LRP6: variants seen among roughly 807,000 people sequenced by gnomAD.
LRP6 encodes the protein low-density lipoprotein receptor-related protein 6.
Under a neutral mutation model 184.1 loss-of-function variants are expected in LRP6, and 43 were observed. That is an observed-to-expected ratio of 0.23 (90% CI 0.18 to 0.30). The LOEUF (loss-of-function observed/expected upper bound fraction) is 0.30. LRP6 is among the 10% of genes least tolerant of loss of function. The pLI is 1.00. For missense variants in LRP6, 1,571 were observed against 2,005.3 expected (o/e 0.78, Z 4.14); for synonymous variants, 719 against 684.9 (o/e 1.05, Z -0.78).
At chr12:12,232,276 T>G (rs1864811073) in intron 2 of LRP6, among the ~76,000 whole-genome samples, 1 of 151,022 alleles carries the variant, frequency 6.6e-6, no homozygotes, top group East Asian at 1.9e-4. Flanking sequence ...CCCAGGTTAT[T>G]GGGAGGCTGA....
chr12:12,135,379 C>T, intron 16 of LRP6, 79 bp from the exon 17 acceptor site: 1 of 907,086 alleles, frequency 1.1e-6, no homozygotes, highest in East Asian at 2.5e-5. Context: ...GAAAAAGGGA[C>T]AACCCTGTCA....
intron 7 of LRP6, among the ~76,000 whole-genome samples, chr12:12,179,080 T>A (rs899125595): frequency 1.4e-4 from 21 of 152,164 alleles, no homozygotes; most frequent in Admixed American, 2.6e-4. Flanking sequence ...TGTAGCAAAG[T>A]CTAATTCAAA....
At chr12:12,246,925 C>T (rs1865201944) in intron 1 of LRP6, among the ~76,000 whole-genome samples, 1 of 152,142 alleles carries the variant, frequency 6.6e-6, no homozygotes, top group African/African-American at 2.4e-5. Flanking sequence ...CATAAACTTC[C>T]CTAACTAAGC....
intron 15 of LRP6, among the ~76,000 whole-genome samples, chr12:12,144,408 C>T (rs1949974315): frequency 6.6e-6 from 1 of 152,190 alleles, no homozygotes; most frequent in South Asian, 2.1e-4. Context: ...CTTTGGGAGG[C>T]CAAGGCAGGG....
intron 2 of LRP6, among the ~76,000 whole-genome samples, chr12:12,212,317 C>T (rs1027045348): frequency 6.6e-6 from 1 of 152,186 alleles, no homozygotes; most frequent in African/African-American, 2.4e-5. Context: ...TTGAAAAATA[C>T]AGGTAAAATT....
intron 1 of LRP6, among the ~76,000 whole-genome samples, chr12:12,262,885 T>G (rs146251894): frequency 0.012 from 1,838 of 152,212 alleles, 20 homozygotes; most frequent in Middle Eastern, 0.034. Context: ...TTACAGTATC[T>G]CTGAATCTGA....
chr12:12,155,789 A>G, intron 12 of LRP6: 3 of 826,930 alleles, frequency 3.6e-6, no homozygotes, highest in Non-Finnish European at 6.4e-6. Flanking sequence ...TTAAAAAAAT[A>G]AAAGACTTCT....
At chr12:12,173,902 C>G (rs572150516) in intron 7 of LRP6, among the ~76,000 whole-genome samples, 2 of 152,270 alleles carry the variant, frequency 1.3e-5, no homozygotes, top group Non-Finnish European at 2.9e-5. Context: ...ACATTAAGTC[C>G]AAACTCCAGG....
chr12:12,264,743 A>G (rs559839383), intron 1 of LRP6, among the ~76,000 whole-genome samples: 1 of 152,046 alleles, frequency 6.6e-6, no homozygotes, highest in Non-Finnish European at 1.5e-5. Context: ...ATTTTACATC[A>G]AAAGACAGTT....
chr12:12,171,445 C>G (rs1055323064), intron 7 of LRP6, among the ~76,000 whole-genome samples: 1 of 151,828 alleles, frequency 6.6e-6, no homozygotes, highest in Admixed American at 6.6e-5. Context: ...TGGCGTGAAC[C>G]CGGGAGGTGG....
Position 12,121,247 on chromosome 12 carries a change from C to T in LRP6, c.4721G>A (p.Arg1574Gln), listed in dbSNP as rs1381349899. Residue 1574 changes from arginine to glutamine, a missense_variant, in exon 23 of 23, where the codon CGA (arginine) becomes CAA (glutamine). By Grantham distance (43) the Arg-to-Gln change is conservative (BLOSUM62 1). Transcript: ENST00000261349. ...SEPVPPPPTP[R>Q]SQYLSAEENY... ...CTCCTCTGCTGACAAGTATTGGCTT[C>T]GGGGTGTGGGAGGTGGGGGCACAGG... 3 of 1,613,974 alleles carry T rather than the reference C, an allele frequency of 1.9e-6. No homozygotes were observed. The highest frequency in any genetic ancestry group is 1.7e-6 in the Non-Finnish European group (2 of 1,180,000).
chr12:12,249,716 GAAGGAAGGAAGGAAGGAAAT>G (rs1460858193), intron 1 of LRP6, among the ~76,000 whole-genome samples: 4 of 107,740 alleles, frequency 3.7e-5, no homozygotes, highest in South Asian at 3.8e-4. Flanking sequence ...AGGAAGGAAG[GAAGGAAGGAAGGAAGGAAAT>G]AAATTAATTA....
At chr12:12,221,859 A>G (rs961483916) in intron 2 of LRP6, among the ~76,000 whole-genome samples, 1 of 152,234 alleles carries the variant, frequency 6.6e-6, no homozygotes, top group African/African-American at 2.4e-5. Context: ...ATGACTTAAA[A>G]TATTTTATTT....
intron 3 of LRP6, among the ~76,000 whole-genome samples, chr12:12,193,464 C>A (rs748426069): frequency 4.0e-5 from 6 of 149,824 alleles, no homozygotes; most frequent in Non-Finnish European, 5.9e-5. Flanking sequence ...TTGAAAAGAC[C>A]CACAAAATTG....
chr12:12,124,420 G>A (rs992363490), intron 22 of LRP6, 145 bp downstream of exon 22: 5 of 658,644 alleles, frequency 7.6e-6, no homozygotes, highest in African/African-American at 7.3e-5. Flanking sequence ...AGGATTTGTG[G>A]TAGAGGCAAT....
intron 2 of LRP6, among the ~76,000 whole-genome samples, chr12:12,216,654 T>TAA (rs1565662770): frequency 6.9e-6 from 1 of 144,352 alleles, no homozygotes; most frequent in Non-Finnish European, 1.5e-5. Context: ...TACTTAAAAT[T>TAA]TAAAAAAAAA....
intron 7 of LRP6, among the ~76,000 whole-genome samples, chr12:12,165,831 A>T (rs954107170): frequency 1.3e-5 from 2 of 152,200 alleles, no homozygotes; most frequent in African/African-American, 4.8e-5. Context: ...AAAAACAGAT[A>T]AAAGGGATCT....
intron 2 of LRP6, among the ~76,000 whole-genome samples, chr12:12,235,070 A>G (rs959720378): frequency 1.3e-4 from 20 of 152,122 alleles, no homozygotes; most frequent in Admixed American, 9.8e-4. Flanking sequence ...AAATTTTTGT[A>G]TTATTTTTTA....
Position 12,228,190 on chromosome 12 carries a change from G to GTGAAAC in LRP6, c.449+16066_449+16071dup, listed in dbSNP as rs199931600. Among the ~76,000 whole-genome samples the GTGAAAC allele has an allele frequency of 5.5e-3, 832 of 152,234 alleles. 7 individuals are homozygous for GTGAAAC. The highest frequency in any genetic ancestry group is 0.019 in the African/African-American group (771 of 41,536). ...GCTCAGGACCAGCCTGGCCAACATGGTGAAACCCCCGTTTCTACTAAAAAT... is the reference window on the plus strand; with the variant it reads ...GCTCAGGACCAGCCTGGCCAACATGGTGAAACTGAAACCCCCGTTTCTACTAAAAAT... On this transcript the variant is annotated intron_variant, in intron 2 of 22. Transcript: ENST00000261349.
Sources: gnomAD v4.1 joint callset for allele counts (sites outside exome capture counted in the v4.1 genomes callset) on GRCh38, gnomAD v4.1.1 for gene constraint, MANE v1.5 for transcripts, NCBI Gene and HGNC (gene_info 2026-07-23, HGNC 2026-07-21) for gene names.